The following KIRREL3 variants were observed in gnomAD, a reference collection of about 807,000 sequenced individuals.
The protein encoded by KIRREL3 is kirre like nephrin family adhesion molecule 3, also known as kin of IRRE-like protein 3.
Under a neutral mutation model 89.7 loss-of-function variants are expected in KIRREL3, and 36 were observed. That is an observed-to-expected ratio of 0.40 (90% CI 0.31 to 0.53). KIRREL3 has a LOEUF of 0.53. Ranked by LOEUF, KIRREL3 falls within the 20% of genes least tolerant of loss-of-function variation. The pLI, the probability that KIRREL3 is intolerant of heterozygous loss-of-function variation, is 0.49. For synonymous variants in KIRREL3, 445 were observed against 441.4 expected, an observed-to-expected ratio of 1.01 and a Z score of -0.10; for missense variants, 864 against 1,056.6, an observed-to-expected ratio of 0.82 and a Z score of 2.53.
chr11:126,775,002 G>C (rs1565721200), intron 1 of KIRREL3, among the ~76,000 whole-genome samples: 1 of 152,182 alleles, frequency 6.6e-6, no homozygotes, highest in Non-Finnish European at 1.5e-5. Flanking sequence ...CCTAGATGCA[G>C]TCTGTCTTAA....
At chr11:126,518,250 A>T (rs1289962862) in intron 4 of KIRREL3, among the ~76,000 whole-genome samples, 1 of 152,204 alleles carries the variant, frequency 6.6e-6, no homozygotes, top group Non-Finnish European at 1.5e-5. Context: ...CCGAGTCCCC[A>T]TGCCTTCCCT....
chr11:126,430,306 A>T lies in KIRREL3; in HGVS notation c.1697-1018T>A, dbSNP rs1955084012. Among the ~76,000 whole-genome samples the T allele has an allele frequency of 6.6e-6, 1 of 151,878 alleles. No individual in the cohort carries two copies. Among genetic ancestry groups the T allele is most frequent in the Admixed American group, 6.6e-5 (1 of 15,248 alleles). Reference sequence around the variant, plus strand: ...CAAAAAATTAAAAAAATAGCAAGGCATGATGGCACACGCCTGTAATCCCAG... The same window carrying T: ...CAAAAAATTAAAAAAATAGCAAGGCTTGATGGCACACGCCTGTAATCCCAG... On this transcript the variant is annotated intron_variant, in intron 14 of 16. Transcript: ENST00000525144. This position sits in a 1 kb window ranked among gnomAD's most constrained non-coding sequence, Gnocchi z 6.6.
chr11:126,998,909 G>T (rs545607634), intron 1 of KIRREL3, among the ~76,000 whole-genome samples: 1 of 143,004 alleles, frequency 7.0e-6, no homozygotes, highest in East Asian at 2.1e-4. Flanking sequence ...AAGCAAAGAC[G>T]AATGGGAGTG....
In KIRREL3 at chr11:126,489,041, A is replaced by G. The variant is rs10893524; in HGVS notation, c.434-15575T>C. 0.34 allele frequency among the ~76,000 whole-genome samples: 52,335 copies of G among 151,772 alleles called. 9,441 individuals are homozygous for G. Among genetic ancestry groups the G allele is most frequent in the Admixed American group, 0.48 (7,293 of 15,248 alleles). ...CTACACGATGTTCAGTGTTTGCTCA[A>G]ATGTGCCCTCTGACCTCCACTAGAC... On this transcript the variant is annotated intron_variant, in intron 4 of 16. Coordinates refer to ENST00000525144, the MANE Select transcript of KIRREL3 (RefSeq NM_032531.4). The surrounding 1 kb of genome is among the most constrained non-coding windows in gnomAD (Gnocchi z 5.5).
chr11:126,479,952 G>GTA (rs886984134), intron 4 of KIRREL3, among the ~76,000 whole-genome samples: 8 of 152,310 alleles, frequency 5.3e-5, no homozygotes, highest in Middle Eastern at 6.8e-3. Flanking sequence ...TGGGCCAAGT[G>GTA]TATAGGGCTT....
At chr11:126,546,885 A>G (rs1769424581) in intron 2 of KIRREL3, among the ~76,000 whole-genome samples, 1 of 152,378 alleles carries the variant, frequency 6.6e-6, no homozygotes, top group Non-Finnish European at 1.5e-5. Context: ...CCCATTTCGC[A>G]GATGAGAACA....
At position 126,701,451 on chromosome 11, in the gene KIRREL3, A is replaced by G. The variant is rs558106499; in HGVS notation, c.56-138539T>C. Among the ~76,000 whole-genome samples, 4 of 152,036 alleles carry G rather than the reference A, an allele frequency of 2.6e-5. No homozygotes were observed. The South Asian group carries it at 8.4e-4, about 32-fold the overall frequency. On this transcript the variant is annotated intron_variant, in intron 1 of 16. Coordinates refer to ENST00000525144, the MANE Select transcript of KIRREL3 (RefSeq NM_032531.4). ...ACAGCAGGGAGGAAGCTGGGCAGAA[A>G]TGCTCCGAATCAATAGCTCTTTCTT...
At chr11:126,793,607 A>G (rs919713747) in intron 1 of KIRREL3, among the ~76,000 whole-genome samples, 1 of 152,228 alleles carries the variant, frequency 6.6e-6, no homozygotes. Flanking sequence ...AGAGGAACCA[A>G]GGCAAGGAGA....
Position 126,955,745 on chromosome 11 carries a change from G to A in KIRREL3, c.55+44710C>T, listed in dbSNP as rs1424878872. 1.3e-5 allele frequency among the ~76,000 whole-genome samples: 2 copies of A among 152,246 alleles called. No individual in the cohort carries two copies. Among genetic ancestry groups the A allele is most frequent in the East Asian group, 1.9e-4 (1 of 5,180 alleles). ...AGGTGTTTTAATGGGATCTAAAAAC[G>A]AACATGATGCTCGTCCTCAGAAAGC... On this transcript the variant is annotated intron_variant, in intron 1 of 16. Transcript: ENST00000525144. The surrounding 1 kb of genome is among the most constrained non-coding windows in gnomAD (Gnocchi z 4.6).
In KIRREL3 at chr11:127,000,023, C is replaced by A. The variant is rs1406524140; in HGVS notation, c.55+432G>T. Among the ~76,000 whole-genome samples the A allele has an allele frequency of 6.6e-6, 1 of 152,088 alleles. No individual in the cohort carries two copies. The highest frequency in any genetic ancestry group is 2.4e-5 in the African/African-American group (1 of 41,388). On this transcript the variant is annotated intron_variant, in intron 1 of 16. Coordinates refer to ENST00000525144, the MANE Select transcript of KIRREL3 (RefSeq NM_032531.4). The surrounding 1 kb of genome is among the most constrained non-coding windows in gnomAD (Gnocchi z 7.1). Reference sequence around the variant, plus strand: ...TTTGAATACACTTGTGCAAGTCAAACCCTATTCAAGCTGAAATATCCACCT... The same window carrying A: ...TTTGAATACACTTGTGCAAGTCAAAACCTATTCAAGCTGAAATATCCACCT...
At chr11:126,658,634 C>T (rs1033515810) in intron 1 of KIRREL3, among the ~76,000 whole-genome samples, 32 of 152,200 alleles carry the variant, frequency 2.1e-4, no homozygotes, top group African/African-American at 2.9e-4. Context: ...ATTACTGACT[C>T]GGAGAGCTTT....
intron 1 of KIRREL3, among the ~76,000 whole-genome samples, chr11:126,675,063 G>A (rs1025763205): frequency 1.3e-5 from 2 of 152,222 alleles, no homozygotes; most frequent in Admixed American, 6.5e-5. Context: ...TCACCTTGGA[G>A]CTTGTTGCCT....
Position 126,684,941 on chromosome 11 carries a change from C to T in KIRREL3, c.56-122029G>A, listed in dbSNP as rs1298108906. On this transcript the variant is annotated intron_variant, in intron 1 of 16. Transcript: ENST00000525144. This position sits in a 1 kb window ranked among gnomAD's most constrained non-coding sequence, Gnocchi z 4.2. ...TTCTTTGTCCTTGTCTCCCCCCTCC[C>T]TTTTGTCCTCTTCTCTCTTCCTCTC... Among the ~76,000 whole-genome samples, 1 of 152,082 alleles carries T rather than the reference C, an allele frequency of 6.6e-6. No homozygotes were observed. Among genetic ancestry groups the T allele is most frequent in the Non-Finnish European group, 1.5e-5 (1 of 68,016 alleles).
intron 1 of KIRREL3, among the ~76,000 whole-genome samples, chr11:126,725,924 T>TTCTC (rs1565680837): frequency 4.6e-5 from 7 of 152,162 alleles, no homozygotes; most frequent in Non-Finnish European, 1.5e-5. Flanking sequence ...TCACCCCCAG[T>TTCTC]TTCTCTGGTG....
chr11:126,577,807 C>T (rs979188042), intron 1 of KIRREL3, among the ~76,000 whole-genome samples: 5 of 151,742 alleles, frequency 3.3e-5, no homozygotes, highest in Non-Finnish European at 5.9e-5. Flanking sequence ...CTGGTCTAGA[C>T]GTCATCCTTA....
intron 1 of KIRREL3, among the ~76,000 whole-genome samples, chr11:126,700,640 T>C (rs113656979): frequency 0.046 from 7,054 of 152,256 alleles, 204 homozygotes; most frequent in Non-Finnish European, 0.06. Flanking sequence ...ACCCCATTCT[T>C]AGAAGGCTGG....
intron 1 of KIRREL3, among the ~76,000 whole-genome samples, chr11:126,733,874 G>A (rs986470454): frequency 1.3e-5 from 2 of 152,230 alleles, no homozygotes; most frequent in African/African-American, 4.8e-5. Flanking sequence ...TTCCCCCAGT[G>A]ATAATGGGAG....
rs181200410 is a variant in KIRREL3, at chr11:126,635,380, G to C, written c.56-72468C>G. On this transcript the variant is annotated intron_variant, in intron 1 of 16. Coordinates refer to ENST00000525144, the MANE Select transcript of KIRREL3 (RefSeq NM_032531.4). The surrounding 1 kb of genome is among the most constrained non-coding windows in gnomAD (Gnocchi z 4.0). ...GATATATACAGAGGTTAGACCTCAG[G>C]GTTATGTTATGGATTGGAGGGAGCA... 1.3e-3 allele frequency among the ~76,000 whole-genome samples: 195 copies of C among 152,302 alleles called. No individual in the cohort carries two copies. The highest frequency in any genetic ancestry group is 4.5e-3 in the African/African-American group (186 of 41,576).
chr11:126,574,302 C>T lies in KIRREL3; in HGVS notation c.56-11390G>A, dbSNP rs1283079208. ...ACAACGCTTGGGGTAAAACCAAACT[C>T]CCCCACCTCCTTCAGAGCCCCATAT... On this transcript the variant is annotated intron_variant, in intron 1 of 16. Transcript: ENST00000525144. This position sits in a 1 kb window ranked among gnomAD's most constrained non-coding sequence, Gnocchi z 5.3. 6.6e-6 allele frequency among the ~76,000 whole-genome samples: 1 copy of T among 152,204 alleles called. No individual in the cohort carries two copies. Among genetic ancestry groups the T allele is most frequent in the Non-Finnish European group, 1.5e-5 (1 of 68,040 alleles).
Sources: allele counts gnomAD v4.1 joint callset (sites outside exome capture counted in the v4.1 genomes callset), GRCh38; gene constraint gnomAD v4.1.1; non-coding constraint Gnocchi (gnomAD v3.1); transcripts MANE v1.5; gene names NCBI Gene and HGNC (gene_info 2026-07-23, HGNC 2026-07-21).